RIMS1: variants seen among roughly 807,000 people sequenced by gnomAD.
The protein encoded by RIMS1 is regulating synaptic membrane exocytosis protein 1.
In RIMS1, 83 loss-of-function variants were observed where a neutral mutation model predicts 214.1. The observed-to-expected ratio is 0.39, with a 90% confidence interval of 0.32 to 0.47. The LOEUF (loss-of-function observed/expected upper bound fraction) is 0.47. Among genes scored for constraint, RIMS1 ranks in the 20% least tolerant of loss-of-function variants. The probability of loss-of-function intolerance (pLI) is 0.99; values close to 1 mark genes in which losing one functional copy is unlikely to be tolerated. For missense variants in RIMS1, 2,050 were observed against 2,161.8 expected (o/e 0.95, Z 1.03); for synonymous variants, 793 against 786.8 (o/e 1.01, Z -0.13).
intron 1 of RIMS1, among the ~76,000 whole-genome samples, chr6:71,947,283 G>T (rs935426598): frequency 6.6e-6 from 1 of 152,030 alleles, no homozygotes; most frequent in African/African-American, 2.4e-5. Context: ...ATTCACAATA[G>T]CCAAGATATA....
At chr6:72,134,684 A>G (rs2153863026) in intron 4 of RIMS1, among the ~76,000 whole-genome samples, 1 of 152,266 alleles carries the variant, frequency 6.6e-6, no homozygotes, top group African/African-American at 2.4e-5. Context: ...CACATTATAA[A>G]TTCCTAAGAT....
chr6:72,140,560 A>G (rs1343359390), intron 4 of RIMS1, among the ~76,000 whole-genome samples: 1 of 152,088 alleles, frequency 6.6e-6, no homozygotes, highest in Admixed American at 6.5e-5. Flanking sequence ...TTTAAAACTT[A>G]ACACCTTCCA....
chr6:72,255,517 G>T (rs1301184394), intron 16 of RIMS1, among the ~76,000 whole-genome samples: 1 of 152,130 alleles, frequency 6.6e-6, no homozygotes, highest in African/African-American at 2.4e-5. Flanking sequence ...AAATGTAGCA[G>T]GTTTTCAGCA....
intron 29 of RIMS1, among the ~76,000 whole-genome samples, chr6:72,345,763 C>T (rs1434982390): frequency 6.6e-6 from 1 of 151,694 alleles, no homozygotes; most frequent in African/African-American, 2.4e-5. Context: ...AGAATTATGT[C>T]TTAGAATAAA....
intron 1 of RIMS1, among the ~76,000 whole-genome samples, chr6:71,889,183 G>A (rs1286968893): frequency 6.6e-6 from 1 of 152,206 alleles, no homozygotes; most frequent in African/African-American, 2.4e-5. Context: ...AAGGCACGGT[G>A]CAAGTAGTGG....
chr6:72,175,966 A>G (rs2047645458), intron 4 of RIMS1, among the ~76,000 whole-genome samples: 1 of 152,224 alleles, frequency 6.6e-6, no homozygotes, highest in Non-Finnish European at 1.5e-5. Flanking sequence ...ATTAAGAGGA[A>G]AAGACAATTA....
At chr6:72,096,825 T>C in intron 2 of RIMS1, 124 bp from the exon 3 acceptor site, 1 of 765,900 alleles carries the variant, frequency 1.3e-6, no homozygotes, top group Non-Finnish European at 2.2e-6. Flanking sequence ...AATAGTTTTG[T>C]ATGTTTTGCT....
chr6:71,909,050 C>T (rs947415314), intron 1 of RIMS1, among the ~76,000 whole-genome samples: 18 of 152,096 alleles, frequency 1.2e-4, no homozygotes, highest in African/African-American at 4.3e-4. Flanking sequence ...AGTGCAGTGG[C>T]ACAATCTTGA....
chr6:72,398,209 C>A, intron 31 of RIMS1, 40 bp from the exon 32 acceptor site: 3 of 1,316,248 alleles, frequency 2.3e-6, no homozygotes, highest in Non-Finnish European at 3.2e-6. Context: ...CACATAACTG[C>A]AAAGAAGCTG....
chr6:72,031,170 T>C lies in RIMS1; in HGVS notation c.245+62107T>C, dbSNP rs192305071. Among the ~76,000 whole-genome samples the C allele has an allele frequency of 2.2e-3, 336 of 152,264 alleles. 2 individuals are homozygous for C. The highest frequency in any genetic ancestry group is 7.6e-3 in the African/African-American group (317 of 41,574). On this transcript the variant is annotated intron_variant, in intron 2 of 33. Coordinates refer to ENST00000521978, the MANE Select transcript of RIMS1 (RefSeq NM_014989.7). Reference sequence around the variant, plus strand: ...TGACCAAAGATTACACAGATGGTCATAAATAGCAATAAGAACAAACTATAA... The same window carrying C: ...TGACCAAAGATTACACAGATGGTCACAAATAGCAATAAGAACAAACTATAA...
chr6:71,902,679 C>A (rs947591894), intron 1 of RIMS1, among the ~76,000 whole-genome samples: 1 of 152,070 alleles, frequency 6.6e-6, no homozygotes, highest in Non-Finnish European at 1.5e-5. Context: ...GATGCTCTCC[C>A]TCCCCTGCCC....
intron 4 of RIMS1, among the ~76,000 whole-genome samples, chr6:72,158,997 C>G (rs6925991): frequency 0.88 from 122,403 of 138,948 alleles, 56,187 homozygotes; most frequent in East Asian, 1. Flanking sequence ...AATGGTTGAA[C>G]TAGTTTACAG....
intron 31 of RIMS1, among the ~76,000 whole-genome samples, chr6:72,393,543 T>G (rs2098735247): frequency 6.6e-6 from 1 of 151,680 alleles, no homozygotes; most frequent in Admixed American, 6.6e-5. Flanking sequence ...GCTAACACGG[T>G]GAAACCCCCG....
At chr6:72,120,375 G>A (rs1459344532) in intron 4 of RIMS1, among the ~76,000 whole-genome samples, 1 of 151,840 alleles carries the variant, frequency 6.6e-6, no homozygotes, top group Admixed American at 6.6e-5. Flanking sequence ...ATCTCATTGT[G>A]GTTTTGATTT....
chr6:72,395,878 T>G (rs2154448054), intron 31 of RIMS1, among the ~76,000 whole-genome samples: 1 of 151,888 alleles, frequency 6.6e-6, no homozygotes, highest in Non-Finnish European at 1.5e-5. Flanking sequence ...TGTACATATA[T>G]TATGTACATA....
chr6:71,997,979 A>G (rs983291057), intron 2 of RIMS1, among the ~76,000 whole-genome samples: 12 of 152,130 alleles, frequency 7.9e-5, no homozygotes, highest in Admixed American at 5.9e-4. Flanking sequence ...GTCCAGCATG[A>G]ACAAATGCTG....
At chr6:72,370,242 T>C (rs1274581428) in intron 29 of RIMS1, among the ~76,000 whole-genome samples, 1 of 152,176 alleles carries the variant, frequency 6.6e-6, no homozygotes, top group Admixed American at 6.5e-5. Context: ...AGTGGTTTTA[T>C]TGTGAACTTT....
At chr6:72,208,591 A>G (rs1429386864) in intron 6 of RIMS1, among the ~76,000 whole-genome samples, 1 of 152,182 alleles carries the variant, frequency 6.6e-6, no homozygotes, top group Non-Finnish European at 1.5e-5. Context: ...GAAATTGTCA[A>G]CTTCTGATTA....
At chr6:71,925,948 C>A (rs1434599378) in intron 1 of RIMS1, among the ~76,000 whole-genome samples, 1 of 152,136 alleles carries the variant, frequency 6.6e-6, no homozygotes, top group African/African-American at 2.4e-5. Flanking sequence ...CATGAATAGA[C>A]AACTTGATAC....
Sources: gnomAD v4.1 joint callset for allele counts (sites outside exome capture counted in the v4.1 genomes callset) on GRCh38, gnomAD v4.1.1 for gene constraint, MANE v1.5 for transcripts, NCBI Gene and HGNC (gene_info 2026-07-23, HGNC 2026-07-21) for gene names.